The following NPEPPS variants were observed in gnomAD, a reference collection of about 807,000 sequenced individuals.
NPEPPS encodes the protein aminopeptidase puromycin sensitive, also known as puromycin-sensitive aminopeptidase.
In NPEPPS, 14 loss-of-function variants were observed where a neutral mutation model predicts 115.5. That is an observed-to-expected ratio of 0.12 (90% CI 0.08 to 0.19). The LOEUF is 0.19. Ranked by LOEUF, NPEPPS falls within the 10% of genes least tolerant of loss-of-function variation. The pLI is 1.00. For synonymous variants in NPEPPS, 285 were observed against 390.6 expected, an observed-to-expected ratio of 0.73 and a Z score of 3.19; for missense variants, 523 against 1,110.8, an observed-to-expected ratio of 0.47 and a Z score of 7.52.
At chr17:47,602,268 G>A (rs1189029686) in intron 15 of NPEPPS, among the ~76,000 whole-genome samples, 1 of 152,094 alleles carries the variant, frequency 6.6e-6, no homozygotes, top group Non-Finnish European at 1.5e-5. Context: ...ATTTACTACA[G>A]ACTCTTAATT....
intron 2 of NPEPPS, among the ~76,000 whole-genome samples, chr17:47,567,036 C>T (rs74386080): frequency 1.3e-5 from 2 of 151,988 alleles, no homozygotes; most frequent in African/African-American, 4.8e-5. Context: ...GTTGAGATAG[C>T]GCCACTGTAC....
chr17:47,546,073 T>TGTGTGTGAGA (rs148357525), intron 2 of NPEPPS, 80 bp downstream of exon 2: 1,286 of 1,263,880 alleles, frequency 1.0e-3, no homozygotes, highest in East Asian at 9.4e-3. Context: ...TGTGTGTGTG[T>TGTGTGTGAGA]GAGAGAGAGA....
In NPEPPS at chr17:47,603,766, G is replaced by T. The variant is rs1670486172; in HGVS notation, c.1741-149G>T. 4 of 618,490 alleles carry T rather than the reference G, an allele frequency of 6.5e-6. No individual in the cohort carries two copies. In the East Asian group the frequency reaches 8.6e-5, roughly 13 times the overall value. The allele number at this position is 618,490 out of a possible 1,614,324, so 38.3% of individuals were successfully genotyped here. A position where few individuals can be genotyped will look rare whatever the true frequency, so the allele number is the denominator to read the frequency against. On this transcript the variant is annotated intron_variant, in intron 15 of 22. Transcript: ENST00000322157. ...TGCATTCATTCTGTCTTGATGTGTT[G>T]TCTTGTTTTAATCCATTAGTTGGCA...
Position 47,605,615 on chromosome 17 carries a change from C to T in NPEPPS, c.2095+63C>T, listed in dbSNP as rs181198418. 114 of 985,784 alleles carry T rather than the reference C, an allele frequency of 1.2e-4. 1 individual carries two copies. The Middle Eastern group carries it at 2.4e-3, about 21-fold the overall frequency. 61.1% of individuals were successfully genotyped at this position (985,784 alleles called of 1,614,324 possible). A position where few individuals can be genotyped will look rare whatever the true frequency, so the allele number is the denominator to read the frequency against. ...AGTTGGTACTTTTTTATGTGGTTAA[C>T]AATATAATTAATATCATCTTTGTAT... On this transcript the variant is annotated intron_variant, in intron 17 of 22. Coordinates refer to ENST00000322157, the MANE Select transcript of NPEPPS (RefSeq NM_006310.4).
chr17:47,544,627 G>C (rs934271673), intron 1 of NPEPPS, among the ~76,000 whole-genome samples: 1 of 150,934 alleles, frequency 6.6e-6, no homozygotes, highest in Non-Finnish European at 1.5e-5. Context: ...TCTGCCTCCC[G>C]GGTTTAAGCA....
rs372339935 is a variant in NPEPPS, at chr17:47,568,206, C to T, written c.341-1211C>T. 2.6e-4 allele frequency among the ~76,000 whole-genome samples: 40 copies of T among 151,312 alleles called. 1 individual carries two copies. In the East Asian group the frequency reaches 6.6e-3, roughly 25 times the overall value. ...TGAGACAGAGTCTCGCTCTGTCGCC[C>T]AGGCTGGAGTACAGTGGCACAATCT... On this transcript the variant is annotated intron_variant, in intron 2 of 22. Coordinates refer to ENST00000322157, the MANE Select transcript of NPEPPS (RefSeq NM_006310.4).
chr17:47,563,314 G>A (rs907879287), intron 2 of NPEPPS, among the ~76,000 whole-genome samples: 1 of 152,100 alleles, frequency 6.6e-6, no homozygotes, highest in Non-Finnish European at 1.5e-5. Context: ...TTACAGGCGT[G>A]AGCCACCATG....
intron 3 of NPEPPS, among the ~76,000 whole-genome samples, chr17:47,573,594 T>C (rs1382465668): frequency 6.6e-6 from 1 of 152,244 alleles, no homozygotes; most frequent in Non-Finnish European, 1.5e-5. Flanking sequence ...TCGTGGCTCA[T>C]GCCTGTAATC....
chr17:47,570,673 C>T (rs1296501965), intron 3 of NPEPPS, among the ~76,000 whole-genome samples: 5 of 152,146 alleles, frequency 3.3e-5, no homozygotes, highest in African/African-American at 7.2e-5. Flanking sequence ...AGTACTAAGA[C>T]TTTGATGAAT....
rs535046241 is a variant in NPEPPS at position 47,538,456 on chromosome 17, C to T, written c.255+6901C>T. Reference sequence around the variant, plus strand: ...CTCAAACACCCGACCTCAGGTGATCCGCCTGCCTCTGCCTCCTAAAGTGCT... The same window carrying T: ...CTCAAACACCCGACCTCAGGTGATCTGCCTGCCTCTGCCTCCTAAAGTGCT... On this transcript the variant is annotated intron_variant, in intron 1 of 22. Coordinates refer to ENST00000322157, the MANE Select transcript of NPEPPS (RefSeq NM_006310.4). 3.1e-3 allele frequency among the ~76,000 whole-genome samples: 466 copies of T among 150,118 alleles called. 2 individuals carry two copies. The highest frequency in any genetic ancestry group is 0.011 in the African/African-American group (438 of 40,846).
At position 47,623,082 on chromosome 17, in the gene NPEPPS, C is replaced by T. The variant is rs1914692750; in HGVS notation, c.*1162C>T. The stretch of plus-strand genomic sequence containing the variant: ...TCTAAATCTCATTCCCTTCTTCTTT[C>T]CCTACCTTTTTTTTCTTTTTTTCTT... On this transcript the variant is annotated 3_prime_UTR_variant, in exon 23 of 23. Coordinates refer to ENST00000322157, the MANE Select transcript of NPEPPS (RefSeq NM_006310.4). 3.7e-6 allele frequency: 1 copy of T among 267,544 alleles called. No homozygotes were observed. The highest frequency in any genetic ancestry group is 5.5e-5 in the Admixed American group (1 of 18,278). 16.6% of individuals were successfully genotyped at this position (267,544 alleles called of 1,614,324 possible).
At chr17:47,578,553 A>G (rs1911673404) in intron 3 of NPEPPS, among the ~76,000 whole-genome samples, 1 of 152,202 alleles carries the variant, frequency 6.6e-6, no homozygotes, top group Non-Finnish European at 1.5e-5. Flanking sequence ...AAAAGAAAGT[A>G]TATGAACTCA....
chr17:47,593,351 C>T (rs1912634305), intron 12 of NPEPPS, among the ~76,000 whole-genome samples: 1 of 152,090 alleles, frequency 6.6e-6, no homozygotes, highest in African/African-American at 2.4e-5. Context: ...TGATTGAGCC[C>T]AGTTCAAGAC....
chr17:47,535,267 A>T (rs929447289), intron 1 of NPEPPS, among the ~76,000 whole-genome samples: 11 of 93,460 alleles, frequency 1.2e-4, no homozygotes, highest in African/African-American at 4.1e-4. Context: ...AAAAAAAAAA[A>T]AAGGCTGGGC....
At chr17:47,538,239 ACT>A (rs1239407394) in intron 1 of NPEPPS, among the ~76,000 whole-genome samples, 1 of 63,702 alleles carries the variant, frequency 1.6e-5, no homozygotes, top group Non-Finnish European at 2.9e-5. Flanking sequence ...ACAGAGTCTC[ACT>A]CTGTTGCCTA....
chr17:47,575,989 T>C (rs1911499366), intron 3 of NPEPPS, among the ~76,000 whole-genome samples: 1 of 152,128 alleles, frequency 6.6e-6, no homozygotes, highest in Admixed American at 6.6e-5. Context: ...ATGAAGTTAA[T>C]CTTTTTCAAG....
intron 1 of NPEPPS, among the ~76,000 whole-genome samples, chr17:47,537,955 A>G (rs552981502): frequency 2.0e-5 from 3 of 147,450 alleles, no homozygotes; most frequent in Admixed American, 6.9e-5. Context: ...GTGCAGTGGC[A>G]CAATCTCGGC....
chr17:47,537,036 A>G (rs1423817847), intron 1 of NPEPPS, among the ~76,000 whole-genome samples: 1 of 152,014 alleles, frequency 6.6e-6, no homozygotes, highest in Non-Finnish European at 1.5e-5. Flanking sequence ...TTTCTATGTA[A>G]TCATTTTGGC....
rs1023524551 is a variant in NPEPPS at position 47,531,260 on chromosome 17, C to T, written c.-41C>T. ...GGGTCTCTCCCCCGCCCCCCAGGCT[C>T]CCCCGGTCGCTCTCCTCCGGCGGTC... On this transcript the variant is annotated 5_prime_UTR_variant, in exon 1 of 23. Transcript: ENST00000322157. The T allele has an allele frequency of 1.6e-5, 24 of 1,484,324 alleles. No individual in the cohort carries two copies. Among genetic ancestry groups the T allele is most frequent in the African/African-American group, 9.9e-5 (7 of 71,052 alleles). The allele number at this position is 1,484,324 out of a possible 1,614,324, so 91.9% of individuals were successfully genotyped here.
Sources: allele counts gnomAD v4.1 joint callset (sites outside exome capture counted in the v4.1 genomes callset), GRCh38; gene constraint gnomAD v4.1.1; transcripts MANE v1.5; gene names NCBI Gene and HGNC (gene_info 2026-07-23, HGNC 2026-07-21).